The following OSBPL8 variants were observed in gnomAD, a reference collection of about 807,000 sequenced individuals.
OSBPL8 encodes the protein oxysterol binding protein like 8.
A neutral mutation model predicts 125.5 loss-of-function variants in OSBPL8; 59 were observed. The ratio of observed to expected loss-of-function variants is 0.47; its 90% confidence interval spans 0.38 to 0.58. The LOEUF (loss-of-function observed/expected upper bound fraction) is 0.58, where lower values mean the gene tolerates loss of function less well. OSBPL8 is among the 20% of genes least tolerant of loss of function. The pLI is 0.00. For missense variants in OSBPL8, 758 were observed against 1,047.8 expected (o/e 0.72, Z 3.82); for synonymous variants, 330 against 338.9 (o/e 0.97, Z 0.29).
intron 4 of OSBPL8, among the ~76,000 whole-genome samples, chr12:76,439,083 A>C (rs1337609076): frequency 6.6e-6 from 1 of 152,070 alleles, no homozygotes; most frequent in Non-Finnish European, 1.5e-5. Flanking sequence ...GGCAATTATA[A>C]GATATAGAGC....
At chr12:76,389,238 C>A (rs1050207569) in intron 12 of OSBPL8, among the ~76,000 whole-genome samples, 1 of 152,128 alleles carries the variant, frequency 6.6e-6, no homozygotes, top group South Asian at 2.1e-4. Context: ...CCGTACATAC[C>A]TCACAAGCAT....
intron 16 of OSBPL8, among the ~76,000 whole-genome samples, chr12:76,376,202 A>T (rs1331283662): frequency 6.6e-6 from 1 of 152,244 alleles, no homozygotes; most frequent in Non-Finnish European, 1.5e-5. Context: ...AAGCAAAGCA[A>T]ACAAAAAACT....
At chr12:76,415,316 C>T (rs1035459357) in intron 4 of OSBPL8, among the ~76,000 whole-genome samples, 2 of 150,708 alleles carry the variant, frequency 1.3e-5, no homozygotes, top group Non-Finnish European at 2.9e-5. Context: ...GGCACGATCT[C>T]GGCTCACTGC....
intron 4 of OSBPL8, among the ~76,000 whole-genome samples, chr12:76,450,575 A>T (rs1218778821): frequency 6.6e-6 from 1 of 152,080 alleles, no homozygotes; most frequent in Non-Finnish European, 1.5e-5. Context: ...CTACAAAGGA[A>T]CCATGAGACC....
Position 76,456,304 on chromosome 12 carries a change from T to C in OSBPL8, c.79+3555A>G, listed in dbSNP as rs143415857. Among the ~76,000 whole-genome samples the C allele has an allele frequency of 8.4e-3, 1,274 of 152,304 alleles. 51 individuals are homozygous for C. The highest frequency in any genetic ancestry group is 0.072 in the Admixed American group (1,107 of 15,292). On this transcript the variant is annotated intron_variant, in intron 3 of 23. Coordinates refer to ENST00000261183, the MANE Select transcript of OSBPL8 (RefSeq NM_020841.5). The stretch of plus-strand genomic sequence containing the variant: ...TAGATCACGTACTTTTTTCATTCTA[T>C]AGTACATGATACTAATCAAGTACCA...
intron 2 of OSBPL8, among the ~76,000 whole-genome samples, chr12:76,484,495 C>T (rs555341197): frequency 6.6e-6 from 1 of 152,114 alleles, no homozygotes; most frequent in African/African-American, 2.4e-5. Flanking sequence ...TGGATGTTTA[C>T]GTATGTGTAG....
chr12:76,501,079 ATG>A (rs898240438), intron 1 of OSBPL8, among the ~76,000 whole-genome samples: 4 of 138,580 alleles, frequency 2.9e-5, no homozygotes, highest in Middle Eastern at 3.4e-3. Flanking sequence ...GAGTAATTGT[ATG>A]TGTGTGTATC....
intron 1 of OSBPL8, among the ~76,000 whole-genome samples, chr12:76,540,529 CAG>C (rs1412510728): frequency 3.0e-5 from 4 of 135,206 alleles, no homozygotes; most frequent in African/African-American, 5.7e-5. Flanking sequence ...TGTGTGTGTA[CAG>C]AGAGAGAAAT....
At chr12:76,404,478 T>A (rs1221703852) in intron 5 of OSBPL8, among the ~76,000 whole-genome samples, 1 of 152,058 alleles carries the variant, frequency 6.6e-6, no homozygotes, top group Non-Finnish European at 1.5e-5. Flanking sequence ...TATAGGCAGA[T>A]TTTTTTTCTA....
Position 76,399,214 on chromosome 12 carries a change from T to C in OSBPL8, c.468+659A>G, listed in dbSNP as rs541453558. On this transcript the variant is annotated intron_variant, in intron 7 of 23. Coordinates refer to ENST00000261183, the MANE Select transcript of OSBPL8 (RefSeq NM_020841.5). ...ATGAGGTCAGAGGCCTTAGTAAGTC[T>C]TGGCAAAAGTGGGTTGGGGTGATTC... Among the ~76,000 whole-genome samples the C allele has an allele frequency of 6.6e-5, 10 of 152,276 alleles. No individual in the cohort carries two copies. In the East Asian group the frequency reaches 1.9e-3, roughly 29 times the overall value.
chr12:76,552,825 T>C (rs1160255293), intron 1 of OSBPL8, among the ~76,000 whole-genome samples: 1 of 152,144 alleles, frequency 6.6e-6, no homozygotes. Flanking sequence ...CTATTCTGCC[T>C]CTCCAGATTT....
intron 1 of OSBPL8, among the ~76,000 whole-genome samples, chr12:76,546,480 T>C (rs1444137586): frequency 2.0e-5 from 3 of 152,154 alleles, no homozygotes; most frequent in Non-Finnish European, 4.4e-5. Context: ...GTATTATCTA[T>C]ATAATGCTGA....
At chr12:76,516,171 A>T (rs1881513507) in intron 1 of OSBPL8, among the ~76,000 whole-genome samples, 1 of 152,190 alleles carries the variant, frequency 6.6e-6, no homozygotes, top group Non-Finnish European at 1.5e-5. Context: ...GATTATTTTG[A>T]GCTAAAGGTA....
chr12:76,524,568 C>G (rs2055959), intron 1 of OSBPL8, among the ~76,000 whole-genome samples: 31,027 of 151,750 alleles, frequency 0.2, 3,404 homozygotes, highest in Non-Finnish European at 0.26. Flanking sequence ...GAAAGGACAA[C>G]CAGGTATTAC....
At chr12:76,367,511 A>C (rs951895526) in intron 21 of OSBPL8, among the ~76,000 whole-genome samples, 1 of 152,112 alleles carries the variant, frequency 6.6e-6, no homozygotes, top group Non-Finnish European at 1.5e-5. Flanking sequence ...TATTTTAATC[A>C]ATTTTTACAA....
At chr12:76,492,727 A>G (rs116285727) in intron 1 of OSBPL8, among the ~76,000 whole-genome samples, 1,550 of 152,294 alleles carry the variant, frequency 0.01, 20 homozygotes, top group African/African-American at 0.036. Context: ...AAGATGGACC[A>G]TCTAGCTGCA....
chr12:76,439,106 C>T (rs188502318), intron 4 of OSBPL8, among the ~76,000 whole-genome samples: 20 of 152,244 alleles, frequency 1.3e-4, no homozygotes, highest in Non-Finnish European at 2.6e-4. Context: ...ACAGGCCGGA[C>T]GCGGTGGCTC....
intron 2 of OSBPL8, among the ~76,000 whole-genome samples, chr12:76,468,047 T>C (rs781368065): frequency 5.9e-5 from 9 of 152,214 alleles, no homozygotes; most frequent in Non-Finnish European, 1.2e-4. Context: ...GGCTTAATAA[T>C]AGTTTACCTG....
rs189488692 is a variant in OSBPL8, at chr12:76,429,142, G to A, written c.218-18508C>T. Among the ~76,000 whole-genome samples the A allele has an allele frequency of 2.0e-4, 30 of 151,958 alleles. No individual in the cohort carries two copies. The East Asian group carries it at 5.4e-3, about 27-fold the overall frequency. ...GCATTAAATATGTCTCAACATGAAA[G>A]CACATGTAAATACACATACAAAAAT... is the stretch of plus-strand genomic sequence containing the variant. On this transcript the variant is annotated intron_variant, in intron 4 of 23. Coordinates refer to ENST00000261183, the MANE Select transcript of OSBPL8 (RefSeq NM_020841.5).
Sources: allele counts gnomAD v4.1 joint callset (sites outside exome capture counted in the v4.1 genomes callset), GRCh38; gene constraint gnomAD v4.1.1; transcripts MANE v1.5; gene names NCBI Gene and HGNC (gene_info 2026-07-23, HGNC 2026-07-21).